Variants in MEAF6 observed in about 807,000 individuals in gnomAD.
MEAF6 encodes the protein MYST/Esa1 associated factor 6, also known as chromatin modification-related protein MEAF6.
In MEAF6, 15 loss-of-function variants were observed where a neutral mutation model predicts 28.9. The ratio of observed to expected loss-of-function variants is 0.52; its 90% CI spans 0.35 to 0.80. The LOEUF is 0.80. Ranked by LOEUF, MEAF6 falls within the 30% of genes least tolerant of loss-of-function variation. The pLI is 0.01. For synonymous variants in MEAF6, 97 were observed against 88.7 expected (o/e 1.09, Z -0.53); for missense variants, 178 against 237.5 (o/e 0.75, Z 1.65).
intron 4 of MEAF6, among the ~76,000 whole-genome samples, chr1:37,507,706 C>T (rs979811080): frequency 1.3e-5 from 2 of 151,992 alleles, no homozygotes; most frequent in South Asian, 2.1e-4. Context: ...TCAGGCCGGG[C>T]GCAGTGGCTC....
At chr1:37,496,578 C>T (rs1332445591) in intron 5 of MEAF6, 44 of 1,440,582 alleles carry the variant, frequency 3.1e-5, no homozygotes, top group Non-Finnish European at 3.8e-5. Context: ...TTAAAAAAAA[C>T]TTCCCAGCCT....
chr1:37,512,103 T>C (rs892217112), intron 2 of MEAF6, among the ~76,000 whole-genome samples: 1 of 152,176 alleles, frequency 6.6e-6, no homozygotes, highest in Non-Finnish European at 1.5e-5. Flanking sequence ...GACTGGGAGA[T>C]ATAACTACAA....
At chr1:37,501,590 G>A in intron 5 of MEAF6, 1 of 417,306 alleles carries the variant, frequency 2.4e-6, no homozygotes, top group Middle Eastern at 6.2e-4. Flanking sequence ...ACTAGAAACA[G>A]TGAGAAGAAT....
rs577291632 is a variant in MEAF6, at chr1:37,508,274, CTTTTTTTTTTTTT to C, written c.340+991_340+1003del. Reference sequence around the variant, plus strand: ...CATCCTATTTACAGGATGAGCATTTCTTTTTTTTTTTTTTTTTTTTTTTTTTGGCATGGTCTCA... The same window carrying C: ...CATCCTATTTACAGGATGAGCATTTCTTTTTTTTTTTTTGGCATGGTCTCA... On this transcript the variant is annotated intron_variant, in intron 4 of 6. Transcript: ENST00000296214. Among the ~76,000 whole-genome samples the C allele has an allele frequency of 1.9e-4, 16 of 83,908 alleles. No individual in the cohort carries two copies. In the East Asian group the frequency reaches 3.7e-3, roughly 19 times the overall value. 55.0% of individuals were successfully genotyped at this position (83,908 alleles called of 152,430 possible).
intron 6 of MEAF6, among the ~76,000 whole-genome samples, 199 bp downstream of exon 6, chr1:37,495,686 A>AAG (rs1557603793): frequency 1.7e-5 from 2 of 117,062 alleles, no homozygotes; most frequent in African/African-American, 5.8e-5. Context: ...CTGTCTCTCA[A>AAG]AAAAAAAAAA....
Position 37,492,326 on chromosome 1 carries a change from C to A in MEAF6, c.*1773G>T, listed in dbSNP as rs1641963499. ...TACAGGTGTGAGCCACCGCACCCAG[C>A]CCAAGAGTCAAAAATATTTTAAGGT... On this transcript the variant is annotated 3_prime_UTR_variant, in exon 7 of 7. Coordinates refer to ENST00000296214, the MANE Select transcript of MEAF6 (RefSeq NM_001270875.3). Among the ~76,000 whole-genome samples, 1 of 151,300 alleles carries A rather than the reference C, an allele frequency of 6.6e-6. No individual in the cohort carries two copies. Among genetic ancestry groups the A allele is most frequent in the Non-Finnish European group, 1.5e-5 (1 of 67,760 alleles).
chr1:37,502,487 G>A (rs1488455479), intron 4 of MEAF6, among the ~76,000 whole-genome samples: 2 of 151,728 alleles, frequency 1.3e-5, no homozygotes, highest in Non-Finnish European at 2.9e-5. Flanking sequence ...AAAAAAAAAG[G>A]GGGGGCCAAA....
intron 4 of MEAF6, among the ~76,000 whole-genome samples, chr1:37,507,138 T>G (rs962275386): frequency 6.6e-6 from 1 of 152,002 alleles, no homozygotes; most frequent in Non-Finnish European, 1.5e-5. Context: ...TGGCCAACAT[T>G]GTGAGACCCC....
At chr1:37,508,113 CAG>C (rs1385280251) in intron 4 of MEAF6, among the ~76,000 whole-genome samples, 5 of 151,942 alleles carry the variant, frequency 3.3e-5, no homozygotes, top group East Asian at 1.9e-4. Flanking sequence ...GAGTCTGACT[CAG>C]AAAGATAAAT....
chr1:37,514,615 C>T, intron 1 of MEAF6, 42 bp downstream of exon 1: 1 of 1,420,160 alleles, frequency 7.0e-7, no homozygotes, highest in Non-Finnish European at 9.3e-7. Context: ...GCGGGGCGGG[C>T]GCGGAGCCCC....
At chr1:37,510,888 A>G (rs1642648183) in intron 2 of MEAF6, among the ~76,000 whole-genome samples, 1 of 151,772 alleles carries the variant, frequency 6.6e-6, no homozygotes, top group East Asian at 1.9e-4. Flanking sequence ...ACGTCCGGCT[A>G]ATTTTGTACT....
intron 4 of MEAF6, 71 bp downstream of exon 4, chr1:37,509,207 G>T: frequency 7.7e-7 from 1 of 1,300,368 alleles, no homozygotes; most frequent in Non-Finnish European, 1.1e-6. Context: ...ATACACAATT[G>T]GATGAATTAA....
chr1:37,501,956 G>A lies in MEAF6; in HGVS notation c.381C>T (p.Asp127=), dbSNP rs1425263093. The A allele has an allele frequency of 6.2e-7, 1 of 1,608,976 alleles. No individual in the cohort carries two copies. The highest frequency in any genetic ancestry group is 2.2e-5 in the East Asian group (1 of 44,820). The part of the protein sequence containing the change: ...GSGTESDTSP[D]FHNQENEPSQ... ...TGGGCTCATTTTCCTGATTGTGGAA[G>A]TCTGGAGAAGTGTCACTTTCCGTCC... The change falls in exon 5 of 7, where the codon GAC becomes GAT. Residue 127 remains aspartate, a synonymous_variant. Transcript: ENST00000296214.
At chr1:37,497,527 C>T (rs982707665) in intron 5 of MEAF6, among the ~76,000 whole-genome samples, 14 of 152,142 alleles carry the variant, frequency 9.2e-5, no homozygotes, top group African/African-American at 3.4e-4. Context: ...TGGCAATTAA[C>T]TGTCTATATC....
intron 6 of MEAF6, among the ~76,000 whole-genome samples, 175 bp downstream of exon 6, chr1:37,495,710 A>C (rs1297014229): frequency 3.1e-4 from 41 of 134,148 alleles, no homozygotes; most frequent in South Asian, 1.8e-3. Flanking sequence ...AAAACAAAAA[A>C]AAAAAAAAAC....
At position 37,492,195 on chromosome 1, in the gene MEAF6, A is replaced by G. The variant is rs1222471808; in HGVS notation, c.*1904T>C. Among the ~76,000 whole-genome samples, 2 of 151,832 alleles carry G rather than the reference A, an allele frequency of 1.3e-5. No individual in the cohort carries two copies. The highest frequency in any genetic ancestry group is 2.9e-5 in the Non-Finnish European group (2 of 67,974). ...CGGCACCCGCCACCACGCTCAGCTA[A>G]TTTTTTGCATTTTTAGTAGAGATGG... is the stretch of plus-strand genomic sequence containing the variant. On this transcript the variant is annotated 3_prime_UTR_variant, in exon 7 of 7. Transcript: ENST00000296214.
intron 4 of MEAF6, among the ~76,000 whole-genome samples, 169 bp from the exon 5 acceptor site, chr1:37,502,165 A>G (rs1203593954): frequency 6.6e-6 from 1 of 152,076 alleles, no homozygotes; most frequent in African/African-American, 2.4e-5. Flanking sequence ...AGATACATAC[A>G]AAGGATCCAA....
rs1642318080 is a variant in MEAF6 at position 37,501,922 on chromosome 1, C to T, written c.415G>A (p.Asp139Asn). The T allele has an allele frequency of 4.3e-6, 7 of 1,610,890 alleles. No individual in the cohort carries two copies. The highest frequency in any genetic ancestry group is 1.3e-5 in the African/African-American group (1 of 74,892). Residue 139 changes from aspartate (D) to asparagine (N), a missense_variant, in exon 5 of 7, where the codon GAC becomes AAC. Asp to Asn is a conservative substitution (Grantham distance 23). Coordinates refer to ENST00000296214, the MANE Select transcript of MEAF6 (RefSeq NM_001270875.3). The stretch of plus-strand genomic sequence containing the variant: ...ACAGATCCATCCAGATCCTCAGGGT[C>T]CTCCTGGCTGGGCTCATTTTCCTGA... Reference protein sequence around the residue: ...HNQENEPSQEDPEDLDGSVQG... With the variant: ...HNQENEPSQENPEDLDGSVQG...
chr1:37,499,844 C>G (rs1321409713), intron 5 of MEAF6, among the ~76,000 whole-genome samples: 1 of 152,152 alleles, frequency 6.6e-6, no homozygotes, highest in Non-Finnish European at 1.5e-5. Flanking sequence ...CTCTTTAACT[C>G]CTTTTTATCA....
Sources: gnomAD v4.1 joint callset for allele counts (sites outside exome capture counted in the v4.1 genomes callset) on GRCh38, gnomAD v4.1.1 for gene constraint, MANE v1.5 for transcripts, NCBI Gene and HGNC (gene_info 2026-07-23, HGNC 2026-07-21) for gene names.